The following NALCN variants were observed in gnomAD, a reference collection of about 807,000 sequenced individuals.
NALCN encodes sodium leak channel NALCN.
A neutral mutation model predicts 225.3 loss-of-function variants in NALCN; 111 were observed. The ratio of observed to expected loss-of-function variants is 0.49; its 90% CI spans 0.42 to 0.58. NALCN has a LOEUF of 0.58. NALCN is among the 20% of genes least tolerant of loss of function. NALCN has a pLI of 0.00. For synonymous variants in NALCN, 764 were observed against 769.0 expected, an observed-to-expected ratio of 0.99 and a Z score of 0.11; for missense variants, 1,378 against 2,202.4, an observed-to-expected ratio of 0.63 and a Z score of 7.49.
At position 101,188,364 on chromosome 13, in the gene NALCN, A is replaced by G. The variant is rs1407420845; in HGVS notation, c.1764+3553T>C. Reference sequence around the variant, plus strand: ...TAATTGATAAGGAGGGAAACACATGACCATGTATAACTTGGCCCCAGCATG... The same window carrying G: ...TAATTGATAAGGAGGGAAACACATGGCCATGTATAACTTGGCCCCAGCATG... On this transcript the variant is annotated intron_variant, in intron 14 of 43. Transcript: ENST00000251127. Among the ~76,000 whole-genome samples the G allele has an allele frequency of 3.3e-5, 5 of 152,096 alleles. 1 individual carries two copies. In the East Asian group the frequency reaches 5.8e-4, roughly 18 times the overall value.
At chr13:101,208,777 T>TAAA in intron 13 of NALCN, among the ~76,000 whole-genome samples, 1 of 152,186 alleles carries the variant, frequency 6.6e-6, no homozygotes, top group East Asian at 1.9e-4. Context: ...CTCTCTCTTT[T>TAAA]GTTTCTGTTC....
At position 101,104,746 on chromosome 13, in the gene NALCN, T is replaced by A; in HGVS notation, c.2637-96A>T. On this transcript the variant is annotated intron_variant, in intron 23 of 43. Transcript: ENST00000251127. The surrounding 1 kb of genome is among the most constrained non-coding windows in gnomAD (Gnocchi z 4.2). ...GCTTCTGTGGCTCTATCAACATGAC[T>A]GGTATTTTAAAAACATCATTCCCCA... 1 of 1,569,622 alleles carries A rather than the reference T, an allele frequency of 6.4e-7. No homozygotes were observed. The highest frequency in any genetic ancestry group is 8.7e-7 in the Non-Finnish European group (1 of 1,150,014).
intron 15 of NALCN, among the ~76,000 whole-genome samples, chr13:101,165,494 C>A (rs952246001): frequency 6.6e-6 from 1 of 152,172 alleles, no homozygotes; most frequent in African/African-American, 2.4e-5. Context: ...TTATTTGAGA[C>A]AGGGTCTCAC....
chr13:101,107,362 T>C, intron 22 of NALCN, 125 bp downstream of exon 22: 2 of 1,492,188 alleles, frequency 1.3e-6, no homozygotes, highest in Non-Finnish European at 1.8e-6. Context: ...AGCAGCATGA[T>C]TAATTAGTCC....
At chr13:101,282,661 C>T (rs138940920) in intron 10 of NALCN, among the ~76,000 whole-genome samples, 41 of 152,272 alleles carry the variant, frequency 2.7e-4, no homozygotes, top group Admixed American at 2.7e-3. Flanking sequence ...CCCCACCCCA[C>T]ACACACAGAG....
At chr13:101,415,235 A>G (rs1485076655) in intron 1 of NALCN, among the ~76,000 whole-genome samples, 1 of 149,278 alleles carries the variant, frequency 6.7e-6, no homozygotes, top group East Asian at 1.9e-4. Context: ...ACATACATAT[A>G]TATTTCAAAA....
intron 20 of NALCN, among the ~76,000 whole-genome samples, chr13:101,109,119 G>A: frequency 1.3e-5 from 2 of 152,326 alleles, no homozygotes; most frequent in South Asian, 4.1e-4. Context: ...GTACATTTCG[G>A]TTGAAACATA....
chr13:101,175,075 C>A (rs1342710486), intron 15 of NALCN, among the ~76,000 whole-genome samples: 1 of 152,192 alleles, frequency 6.6e-6, no homozygotes, highest in African/African-American at 2.4e-5. Context: ...AATGTCCCAA[C>A]TCTCATTTGA....
chr13:101,312,479 C>T (rs1359642974), intron 7 of NALCN, among the ~76,000 whole-genome samples: 2 of 151,660 alleles, frequency 1.3e-5, no homozygotes, highest in Non-Finnish European at 2.9e-5. Context: ...ATCTTTCCTG[C>T]TTTCTCTTGT....
At chr13:101,362,711 T>C (rs2046282915) in intron 6 of NALCN, among the ~76,000 whole-genome samples, 1 of 152,084 alleles carries the variant, frequency 6.6e-6, no homozygotes, top group Non-Finnish European at 1.5e-5. Flanking sequence ...ATCAGATTTA[T>C]TCAACATACT....
intron 9 of NALCN, among the ~76,000 whole-genome samples, chr13:101,287,917 T>A (rs1021748495): frequency 6.6e-6 from 1 of 152,216 alleles, no homozygotes; most frequent in African/African-American, 2.4e-5. Flanking sequence ...GGAGAATCAC[T>A]AGCAGCTGAA....
rs60240326 is a variant in NALCN, at chr13:101,269,211, C to CATATATAT, written c.1135-10645_1135-10638dup. On this transcript the variant is annotated intron_variant, in intron 10 of 43. Transcript: ENST00000251127. ...GTGTCCAGAAAGAGTAGAAAAAGCT[C>CATATATAT]ATATATATATATATATATATATATA... Among the ~76,000 whole-genome samples, 75 of 145,556 alleles carry CATATATAT rather than the reference C, an allele frequency of 5.2e-4. No homozygotes were observed. In the South Asian group the frequency reaches 8.1e-3, roughly 16 times the overall value.
chr13:101,170,917 C>T (rs1471334764), intron 15 of NALCN, among the ~76,000 whole-genome samples: 1 of 152,160 alleles, frequency 6.6e-6, no homozygotes, highest in East Asian at 1.9e-4. Flanking sequence ...CCCTTTATAT[C>T]TGTCTTTCAC....
chr13:101,289,180 G>A (rs369635574), intron 9 of NALCN, among the ~76,000 whole-genome samples: 10 of 152,248 alleles, frequency 6.6e-5, no homozygotes, highest in Admixed American at 2.6e-4. Context: ...AGTTACCCAC[G>A]TCTAAGAATC....
chr13:101,198,666 A>C (rs1390574867), intron 13 of NALCN, among the ~76,000 whole-genome samples: 1 of 152,184 alleles, frequency 6.6e-6, no homozygotes, highest in African/African-American at 2.4e-5. Context: ...GATGTGGAGA[A>C]ATACGAACAC....
rs778855514 is a variant in NALCN at position 101,065,437 on chromosome 13, T to C, written c.4571A>G (p.Asn1524Ser). ...HMCYEMERLH[N>S]GGDVTFHDVL... ...ATCATGGAAGGTGACGTCGCCGCCA[T>C]TGTGGAGCCTCTCCATTTCGTAGCA... The change falls in exon 40 of 44, where the codon AAT becomes AGT. Residue 1524 changes from asparagine (N) to serine (S), a missense_variant. Coordinates refer to ENST00000251127, the MANE Select transcript of NALCN (RefSeq NM_052867.4). The C allele has an allele frequency of 1.2e-6, 2 of 1,614,158 alleles. No individual in the cohort carries two copies. Among genetic ancestry groups the C allele is most frequent in the East Asian group, 2.2e-5 (1 of 44,862 alleles).
Position 101,054,883 on chromosome 13 carries a change from G to A in NALCN, c.*412C>T, listed in dbSNP as rs1276675082. On this transcript the variant is annotated 3_prime_UTR_variant, in exon 44 of 44. Transcript: ENST00000251127. ...AAGAGAAATATTTCTAGTGGAAATG[G>A]GAAAGATGTGAACTAAAGCTATAAC... 6.3e-6 allele frequency: 1 copy of A among 158,304 alleles called. No individual in the cohort carries two copies. The highest frequency in any genetic ancestry group is 1.4e-5 in the Non-Finnish European group (1 of 72,476). The allele number at this position is 158,304 out of a possible 1,614,324, so 9.8% of individuals were successfully genotyped here.
chr13:101,186,243 C>T (rs1055024589), intron 14 of NALCN, among the ~76,000 whole-genome samples: 11 of 152,194 alleles, frequency 7.2e-5, no homozygotes, highest in African/African-American at 2.4e-4. Flanking sequence ...TTACCATTTG[C>T]ATCTTTAGGC....
intron 15 of NALCN, among the ~76,000 whole-genome samples, chr13:101,149,929 C>T (rs1040795332): frequency 2.0e-5 from 3 of 152,338 alleles, no homozygotes; most frequent in South Asian, 2.1e-4. Context: ...GCAAGAACTG[C>T]GTGCACACCC....
Sources: allele counts gnomAD v4.1 joint callset (sites outside exome capture counted in the v4.1 genomes callset), GRCh38; gene constraint gnomAD v4.1.1; non-coding constraint Gnocchi (gnomAD v3.1); transcripts MANE v1.5; gene names NCBI Gene and HGNC (gene_info 2026-07-23, HGNC 2026-07-21).